Variants in TRAF5 observed in about 807,000 individuals in gnomAD.
TRAF5 encodes the protein TNF receptor-associated factor 5.
In TRAF5, 48 loss-of-function variants were observed where a neutral mutation model predicts 64.5. The ratio of observed to expected loss-of-function variants is 0.74; its 90% CI spans 0.59 to 0.95. The LOEUF (loss-of-function observed/expected upper bound fraction) is 0.95. Among genes scored for constraint, TRAF5 ranks in the 40% least tolerant of loss-of-function variants. TRAF5 has a pLI of 0.00. For missense variants in TRAF5, 545 were observed against 662.8 expected (o/e 0.82, Z 1.95); for synonymous variants, 206 against 240.5 (o/e 0.86, Z 1.33).
intron 1 of TRAF5, among the ~76,000 whole-genome samples, chr1:211,342,123 C>G (rs1702464381): frequency 6.6e-6 from 1 of 152,176 alleles, no homozygotes; most frequent in African/African-American, 2.4e-5. Context: ...AACTGCTCAG[C>G]TCCTCTGTGG....
In TRAF5 at chr1:211,369,735, C is replaced by A. The variant is rs1572094811; in HGVS notation, c.930+143C>A. 6.2e-6 allele frequency: 6 copies of A among 966,968 alleles called. No individual in the cohort carries two copies. The East Asian group carries it at 1.7e-4, about 27-fold the overall frequency. The allele number at this position is 966,968 out of a possible 1,614,324, so 59.9% of individuals were successfully genotyped here. On this transcript the variant is annotated intron_variant, in intron 9 of 10. Coordinates refer to ENST00000261464, the MANE Select transcript of TRAF5 (RefSeq NM_001033910.3). ...GATGGTGCAAAGAACACTTGTATAA[C>A]CTCCACCCTGATTCACTCATGGCCA...
chr1:211,370,352 A>T (rs17017431), intron 9 of TRAF5, among the ~76,000 whole-genome samples: 25,454 of 151,220 alleles, frequency 0.17, 2,276 homozygotes, highest in African/African-American at 0.23. Flanking sequence ...TATAATTTCC[A>T]TACTTGGCCA....
At chr1:211,360,873 C>A in intron 6 of TRAF5, 94 bp downstream of exon 6, 2 of 1,219,674 alleles carry the variant, frequency 1.6e-6, no homozygotes, top group Non-Finnish European at 2.4e-6. Flanking sequence ...AAGATAAGGG[C>A]CCAGGGCTTA....
chr1:211,353,755 C>T, intron 2 of TRAF5: 1 of 429,290 alleles, frequency 2.3e-6, no homozygotes, highest in Non-Finnish European at 4.4e-6. Flanking sequence ...GGGCTTGAAT[C>T]TCACAATGTC....
intron 1 of TRAF5, among the ~76,000 whole-genome samples, chr1:211,329,430 ACCT>A (rs1276984894): frequency 6.6e-6 from 1 of 152,028 alleles, no homozygotes; most frequent in Non-Finnish European, 1.5e-5. Flanking sequence ...ACTTCTCACT[ACCT>A]CCTCAGGAGA....
rs1702135430 is a variant in TRAF5, at chr1:211,330,706, C to T, written c.-2+3817C>T. On this transcript the variant is annotated intron_variant, in intron 1 of 10. Coordinates refer to ENST00000261464, the MANE Select transcript of TRAF5 (RefSeq NM_001033910.3). ...CCAGGACCTGGTACTCCTCAGTCACCAGCCCATACCAGCCCACGCTGCAGC... is the reference window on the plus strand; with the variant it reads ...CCAGGACCTGGTACTCCTCAGTCACTAGCCCATACCAGCCCACGCTGCAGC... 2.0e-5 allele frequency among the ~76,000 whole-genome samples: 3 copies of T among 152,168 alleles called. No individual in the cohort carries two copies. In the South Asian group the frequency reaches 6.2e-4, roughly 31 times the overall value.
chr1:211,360,835 A>T, intron 6 of TRAF5, 56 bp downstream of exon 6: 7 of 1,513,316 alleles, frequency 4.6e-6, no homozygotes, highest in Non-Finnish European at 6.4e-6. Context: ...TTTAGTAATC[A>T]TTGTGGTCTG....
intron 1 of TRAF5, among the ~76,000 whole-genome samples, chr1:211,331,784 GC>G (rs1702163799): frequency 2.6e-5 from 4 of 151,998 alleles, no homozygotes; most frequent in African/African-American, 9.7e-5. Flanking sequence ...TCCTGCCTCA[GC>G]CTCCCAAGTA....
intron 1 of TRAF5, among the ~76,000 whole-genome samples, chr1:211,348,496 T>G (rs1398065348): frequency 2.0e-5 from 3 of 152,178 alleles, no homozygotes; most frequent in African/African-American, 7.2e-5. Flanking sequence ...AGTCTGTTTA[T>G]CCATTCTTTC....
intron 8 of TRAF5, 188 bp from the exon 9 acceptor site, chr1:211,369,264 T>G: frequency 2.0e-6 from 1 of 493,920 alleles, no homozygotes; most frequent in Non-Finnish European, 3.3e-6. Flanking sequence ...TAGATGTGGC[T>G]TTTTGGAACC....
chr1:211,326,870 G>T lies in TRAF5; in HGVS notation c.-21G>T. On this transcript the variant is annotated 5_prime_UTR_variant, in exon 1 of 11. Transcript: ENST00000261464. The surrounding 1 kb of genome is among the most constrained non-coding windows in gnomAD (Gnocchi z 5.0). ...CGCGCCTGCAGACCGGCCTCGCGGA[G>T]CCCGCGCGCCGAGCCCCACGTGAGT... The T allele has an allele frequency of 2.0e-6, 2 of 985,038 alleles. No individual in the cohort carries two copies. The highest frequency in any genetic ancestry group is 2.4e-6 in the Non-Finnish European group (2 of 829,560). 61.0% of individuals were successfully genotyped at this position (985,038 alleles called of 1,614,324 possible). A position where few individuals can be genotyped will look rare whatever the true frequency, so the allele number is the denominator to read the frequency against.
In TRAF5 at chr1:211,371,192, T is replaced by G. The variant is rs976454291; in HGVS notation, c.931-110T>G. 3.9e-6 allele frequency: 4 copies of G among 1,017,838 alleles called. No homozygotes were observed. The African/African-American group carries it at 6.7e-5, about 17-fold the overall frequency. 63.1% of individuals were successfully genotyped at this position (1,017,838 alleles called of 1,614,324 possible). A position where few individuals can be genotyped will look rare whatever the true frequency, so the allele number is the denominator to read the frequency against. On this transcript the variant is annotated intron_variant, in intron 9 of 10. Transcript: ENST00000261464. Reference sequence around the variant, plus strand: ...TTTTCTGGGCTTGTATTTTTCATTCTGTTAATTGATTAAATGTGATATGTT... The same window carrying G: ...TTTTCTGGGCTTGTATTTTTCATTCGGTTAATTGATTAAATGTGATATGTT...
chr1:211,337,725 C>A (rs1183141186), intron 1 of TRAF5, among the ~76,000 whole-genome samples: 4 of 152,020 alleles, frequency 2.6e-5, no homozygotes, highest in Non-Finnish European at 4.4e-5. Flanking sequence ...ATCCCATGGG[C>A]TTTGGTGTTG....
At chr1:211,354,855 A>G (rs1400083402) in intron 3 of TRAF5, among the ~76,000 whole-genome samples, 1 of 152,194 alleles carries the variant, frequency 6.6e-6, no homozygotes, top group Non-Finnish European at 1.5e-5. Context: ...TCCTTTGCTC[A>G]TTTTAAAAAA....
At position 211,372,451 on chromosome 1, in the gene TRAF5, C is replaced by A. The variant is rs1456227826; in HGVS notation, c.1423C>A (p.Gln475Lys). 2 of 1,614,002 alleles carry A rather than the reference C, an allele frequency of 1.2e-6. No individual in the cohort carries two copies. The highest frequency in any genetic ancestry group is 2.7e-5 in the African/African-American group (2 of 74,910). ...VMRGEFDSLL[Q>K]WPFRQRVTLM... Reference sequence around the variant, plus strand: ...GCGAGGAGAGTTTGACTCACTGTTGCAGTGGCCATTCAGGCAGAGGGTGAC... The same window carrying A: ...GCGAGGAGAGTTTGACTCACTGTTGAAGTGGCCATTCAGGCAGAGGGTGAC... The change falls in exon 11 of 11, where the codon CAG becomes AAG. Residue 475 changes from glutamine (Q) to lysine (K), a missense_variant. Transcript: ENST00000261464.
At chr1:211,367,438 G>A (rs1257757553) in intron 8 of TRAF5, among the ~76,000 whole-genome samples, 2 of 152,146 alleles carry the variant, frequency 1.3e-5, no homozygotes, top group Non-Finnish European at 1.5e-5. Context: ...ATGGTAAAAA[G>A]GGATAATATA....
chr1:211,328,369 C>G (rs997602872), intron 1 of TRAF5, among the ~76,000 whole-genome samples: 2 of 152,216 alleles, frequency 1.3e-5, no homozygotes, highest in Non-Finnish European at 2.9e-5. Context: ...CCTCTCAGAT[C>G]CCTGGCTCCT....
chr1:211,360,995 T>C, intron 6 of TRAF5, 93 bp from the exon 7 acceptor site: 1 of 1,312,722 alleles, frequency 7.6e-7, no homozygotes, highest in Non-Finnish European at 1.1e-6. Flanking sequence ...CTCCTGGTCC[T>C]TGCCTTCTTC....
intron 1 of TRAF5, among the ~76,000 whole-genome samples, chr1:211,352,635 G>C (rs1702827802): frequency 6.6e-6 from 1 of 151,254 alleles, no homozygotes; most frequent in Non-Finnish European, 1.5e-5. Context: ...CTGAAAAAAA[G>C]AAAAAAAGTA....
Sources: allele counts gnomAD v4.1 joint callset (sites outside exome capture counted in the v4.1 genomes callset), GRCh38; gene constraint gnomAD v4.1.1; non-coding constraint Gnocchi (gnomAD v3.1); transcripts MANE v1.5; gene names NCBI Gene and HGNC (gene_info 2026-07-23, HGNC 2026-07-21).